KLHL14: variants seen among roughly 807,000 people sequenced by gnomAD.
The protein encoded by KLHL14 is kelch-like protein 14.
KLHL14 carries 22 observed loss-of-function variants against 64.3 expected under a neutral mutation model. The observed-to-expected ratio is 0.34, with a 90% confidence interval of 0.24 to 0.49. The LOEUF (loss-of-function observed/expected upper bound fraction) is 0.49. Ranked by LOEUF, KLHL14 falls within the 20% of genes least tolerant of loss-of-function variation. KLHL14 has a pLI of 0.99. For missense variants in KLHL14, 661 were observed against 789.0 expected, an observed-to-expected ratio of 0.84 and a Z score of 1.94; for synonymous variants, 322 against 333.4, an observed-to-expected ratio of 0.97 and a Z score of 0.37.
chr18:32,722,913 C>A (rs536048370), intron 3 of KLHL14, among the ~76,000 whole-genome samples: 1 of 152,134 alleles, frequency 6.6e-6, no homozygotes, highest in African/African-American at 2.4e-5. Context: ...CATGACCACA[C>A]CACTGCACTC....
At chr18:32,762,233 CT>C (rs913311025) in intron 2 of KLHL14, among the ~76,000 whole-genome samples, 10 of 151,260 alleles carry the variant, frequency 6.6e-5, no homozygotes, top group South Asian at 4.2e-4. Context: ...TGAGGACTGA[CT>C]TTTTTTTTCT....
intron 3 of KLHL14, among the ~76,000 whole-genome samples, chr18:32,733,093 G>A (rs1373676358): frequency 1.3e-5 from 2 of 152,154 alleles, no homozygotes; most frequent in Non-Finnish European, 2.9e-5. Flanking sequence ...TCTAGGGTGT[G>A]TAGCCTTGGA....
At position 32,674,668 on chromosome 18, in the gene KLHL14, AT is replaced by A. The variant is rs1396424148; in HGVS notation, c.1875del (p.Tyr626ThrfsTer22). The A allele has an allele frequency of 1.3e-6, 1 of 780,548 alleles. No individual in the cohort carries two copies. The highest frequency in any genetic ancestry group is 2.4e-6 in the Non-Finnish European group (1 of 417,918). The allele number at this position is 780,548 out of a possible 1,614,324, so 48.4% of individuals were successfully genotyped here. A position where few individuals can be genotyped will look rare whatever the true frequency, so the allele number is the denominator to read the frequency against. ...CVTVILPSCVPYNK is the reference protein window; with the variant it reads ...CVTVILPSCVXYNK ...AGAGTTTCCTGGTGTTATTTGTTGTATGGTACACAAGAGGGCAGAATAACTG... is the reference window on the plus strand; with the variant it reads ...AGAGTTTCCTGGTGTTATTTGTTGTAGGTACACAAGAGGGCAGAATAACTG... On this transcript the variant is annotated frameshift_variant, in exon 9 of 9. Transcript: ENST00000359358. LOFTEE classifies it high-confidence loss of function.
intron 4 of KLHL14, among the ~76,000 whole-genome samples, chr18:32,690,091 G>A (rs1481718755): frequency 6.6e-6 from 1 of 152,110 alleles, no homozygotes; most frequent in African/African-American, 2.4e-5. Context: ...TACAGAGGAA[G>A]GAGAGAGAGA....
rs2049830600 is a variant in KLHL14 at position 32,680,072 on chromosome 18, T to C, written c.1588+97A>G. On this transcript the variant is annotated intron_variant, in intron 7 of 8. Coordinates refer to ENST00000359358, the MANE Select transcript of KLHL14 (RefSeq NM_020805.3). The surrounding 1 kb of genome is among the most constrained non-coding windows in gnomAD (Gnocchi z 4.8). ...TTTATTAGGTCAACATGTTTTTTAC[T>C]TGGTTAACTATGATTATCTAAGGAG... The C allele has an allele frequency of 3.3e-6, 4 of 1,221,966 alleles. No homozygotes were observed. The East Asian group carries it at 1.0e-4, about 31-fold the overall frequency. 75.7% of individuals were successfully genotyped at this position (1,221,966 alleles called of 1,614,324 possible).
intron 2 of KLHL14, among the ~76,000 whole-genome samples, chr18:32,760,478 T>C (rs1232620383): frequency 6.6e-6 from 1 of 152,184 alleles, no homozygotes; most frequent in Admixed American, 6.5e-5. Flanking sequence ...CTCCTCTCCA[T>C]TTCACTGGCC....
intron 5 of KLHL14, among the ~76,000 whole-genome samples, chr18:32,682,920 A>AATGGGCCATCTTTAAAGAATTGGGACT (rs2049849893): frequency 6.6e-6 from 1 of 152,128 alleles, no homozygotes; most frequent in Non-Finnish European, 1.5e-5. Flanking sequence ...TTATTTCACT[A>AATGGGCCATCTTTAAAGAATTGGGACT]ATGGGCCATC....
At chr18:32,760,596 G>A (rs975500699) in intron 2 of KLHL14, among the ~76,000 whole-genome samples, 1 of 152,130 alleles carries the variant, frequency 6.6e-6, no homozygotes, top group Admixed American at 6.5e-5. Context: ...TCTCCATACG[G>A]TGGCCCAGCT....
At chr18:32,715,903 C>T (rs1354995195) in intron 3 of KLHL14, among the ~76,000 whole-genome samples, 6 of 151,962 alleles carry the variant, frequency 3.9e-5, no homozygotes, top group Non-Finnish European at 8.8e-5. Context: ...GAAGAGCTGC[C>T]CAAAGTTTAT....
chr18:32,676,122 A>C (rs574526112), intron 8 of KLHL14, among the ~76,000 whole-genome samples: 15 of 152,330 alleles, frequency 9.8e-5, no homozygotes, highest in African/African-American at 3.4e-4. Flanking sequence ...TTGCTAAGAA[A>C]GAAAAAAGAA....
At chr18:32,746,372 T>C (rs147547098) in intron 2 of KLHL14, among the ~76,000 whole-genome samples, 140 of 152,364 alleles carry the variant, frequency 9.2e-4, no homozygotes, top group African/African-American at 3.0e-3. Context: ...GTGTCACATT[T>C]GGGCGTGTGT....
Position 32,683,845 on chromosome 18 carries a change from G to A in KLHL14, c.1239-3246C>T, listed in dbSNP as rs1039044160. ...CCTGCTTGAATTTTTGACTTTTGTCGTTGGATTAAAAACAATGGATATGTT... is the reference window on the plus strand; with the variant it reads ...CCTGCTTGAATTTTTGACTTTTGTCATTGGATTAAAAACAATGGATATGTT... On this transcript the variant is annotated intron_variant, in intron 5 of 8. Coordinates refer to ENST00000359358, the MANE Select transcript of KLHL14 (RefSeq NM_020805.3). The surrounding 1 kb of genome is among the most constrained non-coding windows in gnomAD (Gnocchi z 4.2). Among the ~76,000 whole-genome samples, 11 of 152,046 alleles carry A rather than the reference G, an allele frequency of 7.2e-5. No homozygotes were observed. Among genetic ancestry groups the A allele is most frequent in the East Asian group, 3.8e-4 (2 of 5,196 alleles).
rs1297856495 is a variant in KLHL14 at position 32,741,833 on chromosome 18, T to C, written c.1069+95A>G. The C allele has an allele frequency of 3.9e-6, 5 of 1,294,862 alleles. No individual in the cohort carries two copies. The Admixed American group carries it at 9.5e-5, about 25-fold the overall frequency. 80.2% of individuals were successfully genotyped at this position (1,294,862 alleles called of 1,614,324 possible). Reference sequence around the variant, plus strand: ...TCCAAAGGGGAACAAATCAATAAAATGTCTAATTTGATTAACCATGTTTTC... The same window carrying C: ...TCCAAAGGGGAACAAATCAATAAAACGTCTAATTTGATTAACCATGTTTTC... On this transcript the variant is annotated intron_variant, in intron 3 of 8. Transcript: ENST00000359358.
intron 2 of KLHL14, among the ~76,000 whole-genome samples, chr18:32,764,876 C>G (rs562154363): frequency 2.6e-4 from 39 of 152,214 alleles, no homozygotes; most frequent in Middle Eastern, 3.4e-3. Flanking sequence ...GGAAAAACAA[C>G]TCTCCTAATT....
intron 1 of KLHL14, chr18:32,772,261 T>C: frequency 2.5e-6 from 1 of 396,122 alleles, no homozygotes; most frequent in South Asian, 1.8e-5. Flanking sequence ...TGGGCTCCTT[T>C]CGACTCACTT....
Position 32,741,946 on chromosome 18 carries a change from T to C in KLHL14, c.1051A>G (p.Thr351Ala). 2 of 1,607,214 alleles carry C rather than the reference T, an allele frequency of 1.2e-6. No individual in the cohort carries two copies. The highest frequency in any genetic ancestry group is 8.5e-7 in the Non-Finnish European group (1 of 1,178,316). Residue 351 changes from threonine to alanine, a missense_variant, in exon 3 of 9, where the codon ACA becomes GCA. Thr to Ala is a moderately conservative substitution (Grantham distance 58). Around this residue, in one of 2 missense-constraint regions of KLHL14, gnomAD observed 330 missense variants for 450.0 expected, o/e 0.73. Coordinates refer to ENST00000359358, the MANE Select transcript of KLHL14 (RefSeq NM_020805.3). ...LVQYYDDEKK[T>A]WKILTIMPYN... Reference sequence around the variant, plus strand: ...CACTCACTTGTGAGTATTTTCCATGTCTTCTTTTCATCGTCGTAATACTGA... The same window carrying C: ...CACTCACTTGTGAGTATTTTCCATGCCTTCTTTTCATCGTCGTAATACTGA...
intron 3 of KLHL14, among the ~76,000 whole-genome samples, chr18:32,736,914 GTA>G (rs2050169181): frequency 6.6e-6 from 1 of 151,954 alleles, no homozygotes; most frequent in South Asian, 2.1e-4. Context: ...ATTTCTGTAT[GTA>G]TCTCTTAGCA....
At chr18:32,717,393 T>C (rs1321156865) in intron 3 of KLHL14, among the ~76,000 whole-genome samples, 1 of 152,194 alleles carries the variant, frequency 6.6e-6, no homozygotes, top group African/African-American at 2.4e-5. Flanking sequence ...AATTAGTCTA[T>C]GATTCGTACG....
At chr18:32,684,326 T>G (rs925777057) in intron 5 of KLHL14, among the ~76,000 whole-genome samples, 1 of 152,228 alleles carries the variant, frequency 6.6e-6, no homozygotes, top group African/African-American at 2.4e-5. Context: ...CATGTGCCCA[T>G]TTCCCTGCTA....
Sources: gnomAD v4.1 joint callset for allele counts (sites outside exome capture counted in the v4.1 genomes callset) on GRCh38, gnomAD v4.1.1 for gene constraint, gnomAD v4.1.1 regional missense constraint, Gnocchi (gnomAD v3.1) non-coding constraint, MANE v1.5 for transcripts, NCBI Gene and HGNC (gene_info 2026-07-23, HGNC 2026-07-21) for gene names.